USP22: variants seen among roughly 807,000 people sequenced by gnomAD.
The protein encoded by USP22 is ubiquitin specific peptidase 22.
USP22 carries 22 observed loss-of-function variants against 68.1 expected under a neutral mutation model. The ratio of observed to expected loss-of-function variants is 0.32; its 90% CI spans 0.23 to 0.46. The LOEUF is 0.46. Ranked by LOEUF, USP22 falls within the 20% of genes least tolerant of loss-of-function variation. The pLI, the probability that USP22 is intolerant of heterozygous loss-of-function variation, is 1.00. For synonymous variants in USP22, 279 were observed against 274.2 expected (o/e 1.02, Z -0.17); for missense variants, 433 against 695.8 (o/e 0.62, Z 4.25).
At chr17:21,018,317 T>TCCCA in intron 4 of USP22, 1 of 477,872 alleles carries the variant, frequency 2.1e-6, no homozygotes, top group Non-Finnish European at 3.7e-6. Flanking sequence ...CATGGACCCC[T>TCCCA]CCCACTTCAG....
intron 8 of USP22, among the ~76,000 whole-genome samples, chr17:21,009,428 C>A (rs2143532573): frequency 6.6e-6 from 1 of 151,062 alleles, no homozygotes; most frequent in East Asian, 2.0e-4. Flanking sequence ...CTCCAAAGGA[C>A]TCGAAAAGGA....
At chr17:21,039,038 G>A (rs769714212) in intron 1 of USP22, among the ~76,000 whole-genome samples, 2 of 151,786 alleles carry the variant, frequency 1.3e-5, no homozygotes, top group African/African-American at 4.8e-5. Flanking sequence ...TGCAACCTCC[G>A]CCTCCCTGGT....
chr17:21,009,797 A>C (rs1913893419), intron 8 of USP22, among the ~76,000 whole-genome samples: 1 of 152,118 alleles, frequency 6.6e-6, no homozygotes, highest in East Asian at 1.9e-4. Context: ...TCTACTAAAA[A>C]TACAAAAGTT....
Position 21,006,987 on chromosome 17 carries a change from G to T in USP22, c.1231C>A (p.Arg411=). 1 of 1,597,282 alleles carries T rather than the reference G, an allele frequency of 6.3e-7. No homozygotes were observed. ...LPIVACFHLK[R]FEHSAKLRRK... is the part of the protein sequence containing the mutation. ...CGCAGCTTGGCTGAGTGTTCAAATC[G>T]CTGCAGAAATAGGAAGGGGACAGAG... The change falls in exon 10 of 13, where the codon CGA becomes AGA. Residue 411 remains arginine, a splice_region_variant and synonymous_variant. Transcript: ENST00000261497.
At chr17:21,016,040 C>T (rs1345122225) in intron 5 of USP22, 141 bp from the exon 6 acceptor site, 2 of 1,179,540 alleles carry the variant, frequency 1.7e-6, no homozygotes, top group Non-Finnish European at 2.3e-6. Context: ...TACTTTTCTA[C>T]TTTTTGCAAA....
intron 1 of USP22, among the ~76,000 whole-genome samples, chr17:21,032,665 C>T (rs941045563): frequency 7.2e-5 from 11 of 152,086 alleles, no homozygotes; most frequent in African/African-American, 4.8e-5. Flanking sequence ...CACAGCCAGG[C>T]GTGTTGGCTC....
intron 2 of USP22, among the ~76,000 whole-genome samples, chr17:21,026,189 C>T (rs529596350): frequency 6.6e-5 from 10 of 152,198 alleles, no homozygotes; most frequent in Non-Finnish European, 8.8e-5. Flanking sequence ...ACCTGAGAGG[C>T]GGAGGTTGCA....
intron 8 of USP22, among the ~76,000 whole-genome samples, chr17:21,008,625 G>C (rs1440924335): frequency 1.3e-5 from 2 of 152,174 alleles, no homozygotes; most frequent in African/African-American, 4.8e-5. Flanking sequence ...TGAGGGAGGA[G>C]GCACTGGAGA....
rs904097387 is a variant in USP22 at position 21,004,503 on chromosome 17, C to T, written c.1386-152G>A. The T allele has an allele frequency of 2.9e-5, 29 of 1,008,366 alleles. No individual in the cohort carries two copies. The African/African-American group carries it at 3.9e-4, about 14-fold the overall frequency. The allele number at this position is 1,008,366 out of a possible 1,614,324, so 62.5% of individuals were successfully genotyped here. A position where few individuals can be genotyped will look rare whatever the true frequency, so the allele number is the denominator to read the frequency against. ...CCTCAGGCTGATGCACAGGAGGCTG[C>T]AGGAACTAAGGGAGCCTGGTCACCC... On this transcript the variant is annotated intron_variant, in intron 11 of 12. Coordinates refer to ENST00000261497, the MANE Select transcript of USP22 (RefSeq NM_015276.2).
At position 21,017,813 on chromosome 17, in the gene USP22, A is replaced by G. The variant is rs1418511861; in HGVS notation, c.690+129T>C. The G allele has an allele frequency of 5.0e-6, 6 of 1,205,134 alleles. No homozygotes were observed. In the African/African-American group the frequency reaches 9.2e-5, roughly 18 times the overall value. 74.7% of individuals were successfully genotyped at this position (1,205,134 alleles called of 1,614,324 possible). ...TGTGTTTTCCATAATAGACATGTATATTAAACATTAACTTACTACAAAAGG... is the reference window on the plus strand; with the variant it reads ...TGTGTTTTCCATAATAGACATGTATGTTAAACATTAACTTACTACAAAAGG... On this transcript the variant is annotated intron_variant, in intron 5 of 12. Transcript: ENST00000261497.
At position 21,012,969 on chromosome 17, in the gene USP22, TCC is replaced by T. The variant is rs995505734; in HGVS notation, c.839-36_839-35del. The stretch of plus-strand genomic sequence containing the variant: ...AGACCACGGCTCTGGGATTAGTGTC[TCC>T]CCAAATATGGGGAGTCTCTAAGGGA... On this transcript the variant is annotated intron_variant, in intron 6 of 12. Coordinates refer to ENST00000261497, the MANE Select transcript of USP22 (RefSeq NM_015276.2). The T allele has an allele frequency of 9.4e-6, 15 of 1,599,834 alleles. No homozygotes were observed. In the African/African-American group the frequency reaches 1.9e-4, roughly 20 times the overall value.
At chr17:21,018,883 T>C (rs1972120743) in intron 4 of USP22, among the ~76,000 whole-genome samples, 1 of 152,200 alleles carries the variant, frequency 6.6e-6, no homozygotes, top group African/African-American at 2.4e-5. Context: ...GGGCTGTTGC[T>C]ACGCATCACT....
chr17:21,007,029 T>A lies in USP22; in HGVS notation c.1231-42A>T, dbSNP rs1913804138. 6 of 1,517,732 alleles carry A rather than the reference T, an allele frequency of 4.0e-6. No homozygotes were observed. In the East Asian group the frequency reaches 1.5e-4, roughly 37 times the overall value. The allele number at this position is 1,517,732 out of a possible 1,614,324, so 94.0% of individuals were successfully genotyped here. On this transcript the variant is annotated intron_variant, in intron 9 of 12. Coordinates refer to ENST00000261497, the MANE Select transcript of USP22 (RefSeq NM_015276.2). ...GGGACAGAGGGAAGAGGAAAGAAGA[T>A]CAGAAATGTCACTGGAAGCTTCAGG... is the stretch of plus-strand genomic sequence containing the variant.
At chr17:21,028,759 G>C in intron 1 of USP22, 85 bp from the exon 2 acceptor site, 1 of 1,487,430 alleles carries the variant, frequency 6.7e-7, no homozygotes, top group Non-Finnish European at 9.0e-7. Context: ...GCATCCCCCC[G>C]AGACAGCTAC....
At chr17:21,007,446 T>C (rs1913814733) in intron 9 of USP22, among the ~76,000 whole-genome samples, 1 of 152,120 alleles carries the variant, frequency 6.6e-6, no homozygotes, top group Non-Finnish European at 1.5e-5. Flanking sequence ...CAGAGAATCG[T>C]ATGATCGCAC....
chr17:21,007,972 G>A lies in USP22; in HGVS notation c.1128C>T (p.Gly376=), dbSNP rs374089247. 1.5e-4 allele frequency: 235 copies of A among 1,614,042 alleles called. 1 individual carries two copies. The highest frequency in any genetic ancestry group is 1.9e-4 in the Non-Finnish European group (227 of 1,180,034). The change falls in exon 9 of 13, where the codon GGC becomes GGT. Residue 376 remains glycine (G), a synonymous_variant. Coordinates refer to ENST00000261497, the MANE Select transcript of USP22 (RefSeq NM_015276.2). ...LRRFTRPEHL[G]SSAKIKCSGC... is the part of the protein sequence containing the mutation. Reference sequence around the variant, plus strand: ...CGCTGCACTTGATCTTGGCGCTGCTGCCCAAGTGCTCTGGTCTGGTGAATC... The same window carrying A: ...CGCTGCACTTGATCTTGGCGCTGCTACCCAAGTGCTCTGGTCTGGTGAATC...
At chr17:21,022,000 T>A (rs1369634295) in intron 2 of USP22, among the ~76,000 whole-genome samples, 1 of 152,024 alleles carries the variant, frequency 6.6e-6, no homozygotes, top group East Asian at 1.9e-4. Flanking sequence ...TTCGGGGAGC[T>A]GAGGCGTGAG....
chr17:21,021,888 C>T (rs1972160549), intron 2 of USP22, among the ~76,000 whole-genome samples: 1 of 152,036 alleles, frequency 6.6e-6, no homozygotes, highest in Non-Finnish European at 1.5e-5. Flanking sequence ...TCATTTGAGG[C>T]CAGGAGTTCA....
At chr17:21,015,644 A>C (rs1914109124) in intron 6 of USP22, 108 bp downstream of exon 6, 1 of 1,384,260 alleles carries the variant, frequency 7.2e-7, no homozygotes, top group African/African-American at 1.5e-5. Context: ...AAACAATGGA[A>C]TGTGTCACCT....
Sources: allele counts gnomAD v4.1 joint callset (sites outside exome capture counted in the v4.1 genomes callset), GRCh38; gene constraint gnomAD v4.1.1; transcripts MANE v1.5; gene names NCBI Gene and HGNC (gene_info 2026-07-23, HGNC 2026-07-21).